ASIP: variants seen among roughly 807,000 people sequenced by gnomAD.
ASIP encodes agouti-signaling protein.
Under a neutral mutation model 10.3 loss-of-function variants are expected in ASIP, and 11 were observed. The observed-to-expected ratio is 1.07, with a 90% CI of 0.68 to 1.78. The LOEUF (loss-of-function observed/expected upper bound fraction) is 1.78, where lower values mean the gene tolerates loss of function less well. Among genes scored for constraint, ASIP ranks in the 40% most tolerant of loss-of-function variants. The probability of loss-of-function intolerance (pLI) is 0.00; values close to 1 mark genes in which losing one functional copy is unlikely to be tolerated. For missense variants in ASIP, 180 were observed against 169.2 expected (o/e 1.06, Z -0.35); for synonymous variants, 70 against 70.8 (o/e 0.99, Z 0.06).
At chr20:34,188,753 G>A in the ASIP span, among the ~76,000 whole-genome samples, 22 of 152,260 alleles carry the variant, frequency 1.4e-4, no homozygotes, top group Admixed American at 5.9e-4. Flanking sequence ...ATATAGCTGG[G>A]TTGGAGATAT....
At chr20:34,223,705 C>A (rs1434980173) in intron 1 of ASIP, among the ~76,000 whole-genome samples, 2 of 144,836 alleles carry the variant, frequency 1.4e-5, no homozygotes, top group African/African-American at 5.2e-5. Flanking sequence ...GCCACCACCC[C>A]GTCTGGGAGG....
At chr20:34,224,369 G>A (rs914988620) in intron 1 of ASIP, among the ~76,000 whole-genome samples, 1 of 151,332 alleles carries the variant, frequency 6.6e-6, no homozygotes. Context: ...CCTTAAGACT[G>A]CCAGACTGTT....
chr20:34,227,570 G>A (rs113023305), intron 1 of ASIP, among the ~76,000 whole-genome samples: 83 of 150,984 alleles, frequency 5.5e-4, no homozygotes, highest in Non-Finnish European at 1.0e-3. Context: ...GGTGGAGGTT[G>A]CAGTGAGCCG....
chr20:34,217,746 T>C (rs2035019162), intron 1 of ASIP, among the ~76,000 whole-genome samples: 1 of 152,110 alleles, frequency 6.6e-6, no homozygotes, highest in Non-Finnish European at 1.5e-5. Flanking sequence ...GTACTTTTAG[T>C]AGAGACGGGG....
At chr20:34,233,937 C>T (rs1032852506) in intron 1 of ASIP, among the ~76,000 whole-genome samples, 2 of 152,244 alleles carry the variant, frequency 1.3e-5, no homozygotes, top group African/African-American at 2.4e-5. Flanking sequence ...CCAGTCAACA[C>T]TCAGTGCAAT....
upstream of ASIP, among the ~76,000 whole-genome samples, chr20:34,190,255 G>A (rs1443053006): frequency 1.3e-5 from 2 of 152,094 alleles, no homozygotes; most frequent in African/African-American, 2.4e-5. Flanking sequence ...GTCACACCTC[G>A]TTTTACCAGG....
chr20:34,223,394 A>G (rs1459151838), intron 1 of ASIP, among the ~76,000 whole-genome samples: 4 of 130,278 alleles, frequency 3.1e-5, no homozygotes, highest in African/African-American at 6.2e-5. Context: ...CTGCCTGGCA[A>G]CCGCCCCGTC....
chr20:34,253,644 G>C (rs1304096317), intron 1 of ASIP, among the ~76,000 whole-genome samples: 1 of 151,792 alleles, frequency 6.6e-6, no homozygotes, highest in Non-Finnish European at 1.5e-5. Context: ...GCTAATTTTT[G>C]TATTTTTAGT....
chr20:34,213,625 TTGA>T (rs1405387901), intron 1 of ASIP: 3 of 1,565,438 alleles, frequency 1.9e-6, no homozygotes, highest in Middle Eastern at 1.7e-4. Flanking sequence ...CGTAATCTGG[TTGA>T]TAAGAGGAAT....
At chr20:34,195,211 C>T (rs1198040749) in intron 1 of ASIP, among the ~76,000 whole-genome samples, 2 of 151,804 alleles carry the variant, frequency 1.3e-5, no homozygotes, top group African/African-American at 4.8e-5. Flanking sequence ...AATGCAGAAC[C>T]CTACTGAGCT....
chr20:34,187,296 GAAGA>G, the ASIP span, among the ~76,000 whole-genome samples: 2 of 152,140 alleles, frequency 1.3e-5, 1 homozygote, highest in South Asian at 4.1e-4. Flanking sequence ...ACTAGGCTGG[GAAGA>G]AAGATTCTCG....
chr20:34,255,829 G>A (rs987008253), intron 1 of ASIP, among the ~76,000 whole-genome samples: 11 of 152,298 alleles, frequency 7.2e-5, no homozygotes, highest in African/African-American at 2.2e-4. Context: ...AGTGGACCTT[G>A]GTCTAGTGGT....
chr20:34,263,232 T>G (rs1601616009), intron 3 of ASIP, among the ~76,000 whole-genome samples: 1 of 152,366 alleles, frequency 6.6e-6, no homozygotes, highest in East Asian at 1.9e-4. Context: ...AACTTTGCCA[T>G]ATCTGAGTTC....
Position 34,262,883 on chromosome 20 carries a change from G to T in ASIP, c.212G>T (p.Arg71Ile), listed in dbSNP as rs554847477. ...GGCAGAAAAGCAGCAGAAAAGAAAA[G>T]ATCTTCTAAGGTAAGGGCAGGGAAG... ...QIGRKAAEKK[R>I]SSKKEASMKK... is the part of the protein sequence containing the mutation. Residue 71 changes from arginine to isoleucine, a missense_variant, in exon 3 of 4, where the codon AGA becomes ATA. Physicochemically the swap from Arg to Ile is moderately conservative, Grantham distance 97. Coordinates refer to ENST00000374954, the MANE Select transcript of ASIP (RefSeq NM_001672.3). 2 of 1,613,914 alleles carry T rather than the reference G, an allele frequency of 1.2e-6. No homozygotes were observed. The highest frequency in any genetic ancestry group is 8.5e-7 in the Non-Finnish European group (1 of 1,179,944).
chr20:34,201,787 C>A (rs1273131251), intron 1 of ASIP, among the ~76,000 whole-genome samples: 3 of 152,130 alleles, frequency 2.0e-5, no homozygotes, highest in Non-Finnish European at 2.9e-5. Flanking sequence ...ATACTGGTGA[C>A]CTAAGCTAAG....
At chr20:34,247,616 C>CT (rs546425880) in intron 1 of ASIP, among the ~76,000 whole-genome samples, 28 of 148,306 alleles carry the variant, frequency 1.9e-4, no homozygotes, top group East Asian at 4.0e-4. Flanking sequence ...TCTTATATGA[C>CT]TTTTTTTTTT....
chr20:34,236,382 A>G (rs1484244319), intron 1 of ASIP, among the ~76,000 whole-genome samples: 1 of 152,160 alleles, frequency 6.6e-6, no homozygotes, highest in Non-Finnish European at 1.5e-5. Flanking sequence ...TCTACTAAAA[A>G]TACACAAAAA....
upstream of ASIP, among the ~76,000 whole-genome samples, chr20:34,236,638 C>T (rs2035214896): frequency 6.6e-6 from 1 of 151,978 alleles, no homozygotes; most frequent in East Asian, 1.9e-4. Context: ...ATTGCCTGAG[C>T]CCAGGAGTTT....
chr20:34,210,186 G>A (rs1299708556), intron 1 of ASIP, among the ~76,000 whole-genome samples: 1 of 152,252 alleles, frequency 6.6e-6, no homozygotes, highest in East Asian at 1.9e-4. Context: ...TAAAAGAGGT[G>A]TAACACAAAC....
Sources: gnomAD v4.1 joint callset for allele counts (sites outside exome capture counted in the v4.1 genomes callset) on GRCh38, gnomAD v4.1.1 for gene constraint, MANE v1.5 for transcripts, NCBI Gene and HGNC (gene_info 2026-07-23, HGNC 2026-07-21) for gene names.